The following BEND4 variants were observed in gnomAD, a reference collection of about 807,000 sequenced individuals.
BEND4 encodes BEN domain containing 4.
BEND4 carries 27 observed loss-of-function variants against 54.7 expected under a neutral mutation model. That is an observed-to-expected ratio of 0.49 (90% CI 0.36 to 0.68). BEND4 has a LOEUF of 0.68. BEND4 is among the 30% of genes least tolerant of loss of function. The probability of loss-of-function intolerance (pLI) is 0.00; values close to 1 mark genes in which losing one functional copy is unlikely to be tolerated. For missense variants in BEND4, 702 were observed against 697.2 expected, an observed-to-expected ratio of 1.01 and a Z score of -0.08; for synonymous variants, 327 against 299.5, an observed-to-expected ratio of 1.09 and a Z score of -0.95.
In BEND4 at chr4:42,113,455, C is replaced by G. The variant is rs1320019240; in HGVS notation, c.*4063G>C. ...TCTGAACATATAGTGCACGTTTCAT[C>G]TTTACCTGATCTCCATCTGTTTTCT... On this transcript the variant is annotated 3_prime_UTR_variant, in exon 6 of 6. Transcript: ENST00000502486. The G allele has an allele frequency of 6.6e-6, 1 of 152,128 alleles. No individual in the cohort carries two copies. Among genetic ancestry groups the G allele is most frequent in the African/African-American group, 2.4e-5 (1 of 41,422 alleles). 9.4% of individuals were successfully genotyped at this position (152,128 alleles called of 1,614,324 possible). A position where few individuals can be genotyped will look rare whatever the true frequency, so the allele number is the denominator to read the frequency against.
chr4:42,120,138 C>G lies in BEND4; in HGVS notation c.1303G>C (p.Gly435Arg). The change falls in exon 5 of 6, where the codon GGG becomes CGG. Residue 435 changes from glycine (G) to arginine (R), a missense_variant. Transcript: ENST00000502486. Reference sequence around the variant, plus strand: ...GACTGCACTGACCTTTTCCTTTTCCCAAGGCCGCATGAGTACTTAAGCTCA... The same window carrying G: ...GACTGCACTGACCTTTTCCTTTTCCGAAGGCCGCATGAGTACTTAAGCTCA... ...TDELKYSCGLGKRKRSVQSGE... is the reference protein window; with the variant it reads ...TDELKYSCGLRKRKRSVQSGE... 1 of 1,613,958 alleles carries G rather than the reference C, an allele frequency of 6.2e-7. No homozygotes were observed. Among genetic ancestry groups the G allele is most frequent in the Non-Finnish European group, 8.5e-7 (1 of 1,179,876 alleles).
chr4:42,139,800 A>G (rs193090451), intron 3 of BEND4, among the ~76,000 whole-genome samples: 9 of 152,298 alleles, frequency 5.9e-5, no homozygotes, highest in Admixed American at 5.9e-4. Context: ...AGATTCTACT[A>G]GAAGAAAGCC....
intron 4 of BEND4, among the ~76,000 whole-genome samples, chr4:42,123,825 G>A (rs537328274): frequency 4.9e-4 from 75 of 151,952 alleles, no homozygotes; most frequent in African/African-American, 1.8e-3. Flanking sequence ...AGAATTCTTA[G>A]ACGTAGGAAG....
At chr4:42,144,368 T>C (rs749863792) in intron 2 of BEND4, among the ~76,000 whole-genome samples, 1 of 152,196 alleles carries the variant, frequency 6.6e-6, no homozygotes, top group African/African-American at 2.4e-5. Context: ...CAATTCCTCA[T>C]TGATAGGAGG....
chr4:42,128,646 A>G (rs1173313600), intron 3 of BEND4, among the ~76,000 whole-genome samples: 1 of 151,924 alleles, frequency 6.6e-6, no homozygotes, highest in Non-Finnish European at 1.5e-5. Flanking sequence ...AAGAAAAAAA[A>G]GAAAGTTCTG....
Position 42,116,262 on chromosome 4 carries a change from T to C in BEND4, c.*1256A>G, listed in dbSNP as rs1719826855. 6.6e-6 allele frequency: 1 copy of C among 152,176 alleles called. No individual in the cohort carries two copies. Among genetic ancestry groups the C allele is most frequent in the Non-Finnish European group, 1.5e-5 (1 of 68,040 alleles). 9.4% of individuals were successfully genotyped at this position (152,176 alleles called of 1,614,324 possible). ...AAAGAATGTAGTAATCTGGACTAGTTTGGTAAAGAAAGCCTCTCCTGAGTC... is the reference window on the plus strand; with the variant it reads ...AAAGAATGTAGTAATCTGGACTAGTCTGGTAAAGAAAGCCTCTCCTGAGTC... On this transcript the variant is annotated 3_prime_UTR_variant, in exon 6 of 6. Transcript: ENST00000502486.
chr4:42,138,577 C>G (rs1256842658), intron 3 of BEND4, among the ~76,000 whole-genome samples: 2 of 152,150 alleles, frequency 1.3e-5, no homozygotes, highest in Non-Finnish European at 1.5e-5. Context: ...ATTGTAGCAG[C>G]TCTTGCTACA....
Position 42,124,770 on chromosome 4 carries a change from T to C in BEND4, c.1146+813A>G, listed in dbSNP as rs144237746. 2.3e-4 allele frequency among the ~76,000 whole-genome samples: 35 copies of C among 152,314 alleles called. 1 individual carries two copies. Among genetic ancestry groups the C allele is most frequent in the African/African-American group, 8.2e-4 (34 of 41,568 alleles). ...AAATGAGGTCACCATTCAGCAATCA[T>C]GAATTGAGTGTCTTCTATGACACTA... On this transcript the variant is annotated intron_variant, in intron 4 of 5. Coordinates refer to ENST00000502486, the MANE Select transcript of BEND4 (RefSeq NM_207406.4).
intron 2 of BEND4, among the ~76,000 whole-genome samples, chr4:42,146,210 A>G (rs959090353): frequency 3.3e-5 from 5 of 152,136 alleles, no homozygotes; most frequent in African/African-American, 1.2e-4. Flanking sequence ...CCATCAATCC[A>G]AAGACAGAGA....
rs1326422325 is a variant in BEND4, at chr4:42,130,138, CAT to C, written c.1055-4466_1055-4465del. On this transcript the variant is annotated intron_variant, in intron 3 of 5. Transcript: ENST00000502486. ...AGAAGACATTTATGTGGCCAACAAACATATGAAAAAAAGTTCAACAACACTGA... is the reference window on the plus strand; with the variant it reads ...AGAAGACATTTATGTGGCCAACAAACATGAAAAAAAGTTCAACAACACTGA... Among the ~76,000 whole-genome samples the C allele has an allele frequency of 3.9e-5, 6 of 152,096 alleles. No individual in the cohort carries two copies. In the East Asian group the frequency reaches 9.6e-4, roughly 24 times the overall value.
At chr4:42,125,714 C>A (rs1720251698) in intron 3 of BEND4, 40 bp from the exon 4 acceptor site, 2 of 1,300,116 alleles carry the variant, frequency 1.5e-6, no homozygotes, top group African/African-American at 1.5e-5. Flanking sequence ...ATTGGCTATC[C>A]CGTAACATGA....
intron 3 of BEND4, among the ~76,000 whole-genome samples, chr4:42,138,911 A>T (rs950494770): frequency 6.6e-6 from 1 of 152,190 alleles, no homozygotes; most frequent in African/African-American, 2.4e-5. Context: ...TACAATTATG[A>T]TTTCTTCTTA....
At chr4:42,137,888 A>G (rs774556123) in intron 3 of BEND4, among the ~76,000 whole-genome samples, 8 of 152,202 alleles carry the variant, frequency 5.3e-5, no homozygotes, top group South Asian at 2.1e-4. Flanking sequence ...CAAAACCACT[A>G]TAAGACACCA....
chr4:42,129,564 C>G lies in BEND4; in HGVS notation c.1055-3890G>C, dbSNP rs185306952. 1.8e-4 allele frequency among the ~76,000 whole-genome samples: 28 copies of G among 152,228 alleles called. No homozygotes were observed. In the East Asian group the frequency reaches 5.0e-3, roughly 27 times the overall value. ...AGACACACAGACCAATGGAACAGAA[C>G]AGAGAACTCAAATAAGACTGCACAT... On this transcript the variant is annotated intron_variant, in intron 3 of 5. Transcript: ENST00000502486.
intron 3 of BEND4, among the ~76,000 whole-genome samples, chr4:42,129,367 T>C (rs1361698098): frequency 6.6e-6 from 1 of 152,162 alleles, no homozygotes; most frequent in East Asian, 1.9e-4. Context: ...GATTTACAGA[T>C]TCAATACTAT....
rs1470164504 is a variant in BEND4, at chr4:42,113,722, G to A, written c.*3796C>T. 1.3e-5 allele frequency: 2 copies of A among 152,294 alleles called. No homozygotes were observed. The highest frequency in any genetic ancestry group is 3.9e-4 in the East Asian group (2 of 5,190). The allele number at this position is 152,294 out of a possible 1,614,324, so 9.4% of individuals were successfully genotyped here. A position where few individuals can be genotyped will look rare whatever the true frequency, so the allele number is the denominator to read the frequency against. On this transcript the variant is annotated 3_prime_UTR_variant, in exon 6 of 6. Transcript: ENST00000502486. The stretch of plus-strand genomic sequence containing the variant: ...ATTTATCTCTCCTTATAATCCTGTA[G>A]GAATCTCTTATGTCAATGTGTCTGT...
chr4:42,152,410 T>G, intron 1 of BEND4, 34 bp from the exon 2 acceptor site: 1 of 217,274 alleles, frequency 4.6e-6, no homozygotes, highest in East Asian at 9.7e-5. Context: ...AGCAAGTGTT[T>G]AGGGTAATAT....
At position 42,112,543 on chromosome 4, in the gene BEND4, C is replaced by T. The variant is rs1322371634; in HGVS notation, c.*4975G>A. 6 of 152,116 alleles carry T rather than the reference C, an allele frequency of 3.9e-5. No individual in the cohort carries two copies. Among genetic ancestry groups the T allele is most frequent in the Non-Finnish European group, 8.8e-5 (6 of 68,030 alleles). The allele number at this position is 152,116 out of a possible 1,614,324, so 9.4% of individuals were successfully genotyped here. ...GATCTGTGATTCAATAAAAACACAG[C>T]CCTTATATCAGACAGCTATAGAGAA... On this transcript the variant is annotated 3_prime_UTR_variant, in exon 6 of 6. Transcript: ENST00000502486.
chr4:42,127,337 T>C (rs1382335660), intron 3 of BEND4, among the ~76,000 whole-genome samples: 4 of 152,228 alleles, frequency 2.6e-5, no homozygotes, highest in South Asian at 2.1e-4. Context: ...ATTCTCCAAA[T>C]TGACGAAGCA....
Sources: allele counts gnomAD v4.1 joint callset (sites outside exome capture counted in the v4.1 genomes callset), GRCh38; gene constraint gnomAD v4.1.1; transcripts MANE v1.5; gene names NCBI Gene and HGNC (gene_info 2026-07-23, HGNC 2026-07-21).